Variants in PARP8 observed in about 807,000 individuals in gnomAD.
PARP8 encodes the protein poly(ADP-ribose) polymerase family member 8, also known as protein mono-ADP-ribosyltransferase PARP8.
PARP8 carries 51 observed loss-of-function variants against 124.1 expected under a neutral mutation model. That is an observed-to-expected ratio of 0.41 (90% CI 0.33 to 0.52). The LOEUF (loss-of-function observed/expected upper bound fraction) is 0.52. PARP8 is among the 20% of genes least tolerant of loss of function. The pLI is 0.21. For missense variants in PARP8, 860 were observed against 1,018.9 expected, an observed-to-expected ratio of 0.84 and a Z score of 2.12; for synonymous variants, 391 against 361.5, an observed-to-expected ratio of 1.08 and a Z score of -0.93.
intron 14 of PARP8, among the ~76,000 whole-genome samples, chr5:50,807,176 A>T (rs1743943290): frequency 6.6e-6 from 1 of 151,674 alleles, no homozygotes; most frequent in Non-Finnish European, 1.5e-5. Flanking sequence ...CACTGCTTTT[A>T]TACTATCTGT....
chr5:50,833,456 T>C (rs1313886678), intron 23 of PARP8: 2 of 450,018 alleles, frequency 4.4e-6, no homozygotes, highest in Non-Finnish European at 8.9e-6. Context: ...AAAAATCATC[T>C]GATAAGTAGT....
At chr5:50,714,524 T>C (rs1580068140) in intron 2 of PARP8, among the ~76,000 whole-genome samples, 1 of 152,160 alleles carries the variant, frequency 6.6e-6, no homozygotes, top group African/African-American at 2.4e-5. Flanking sequence ...TCATCTAGGT[T>C]TTAAGCCCCG....
intron 9 of PARP8, among the ~76,000 whole-genome samples, chr5:50,786,370 T>C (rs1453132586): frequency 6.6e-6 from 1 of 151,854 alleles, no homozygotes; most frequent in East Asian, 1.9e-4. Flanking sequence ...TCTTTTTTTT[T>C]TCTTTTTTTT....
rs749401959 is a variant in PARP8, at chr5:50,832,771, ATG to A, written c.2234-8_2234-7del. ...TTGTCCCTAAATTATTATTTTGCCG[ATG>A]TTTTCAGGGATGAACAAGAAACAGA... On this transcript the variant is annotated splice_region_variant and splice_polypyrimidine_tract_variant and intron_variant, in intron 22 of 25. Transcript: ENST00000281631. The A allele has an allele frequency of 6.4e-5, 103 of 1,613,046 alleles. No individual in the cohort carries two copies. Among genetic ancestry groups the A allele is most frequent in the South Asian group, 2.9e-4 (26 of 91,072 alleles).
chr5:50,830,559 T>C (rs769568484), intron 22 of PARP8, among the ~76,000 whole-genome samples: 24 of 152,218 alleles, frequency 1.6e-4, no homozygotes, highest in Non-Finnish European at 3.2e-4. Context: ...GGTGATGTTT[T>C]CTTCTTTGCA....
chr5:50,802,820 A>G (rs557468025), intron 14 of PARP8, among the ~76,000 whole-genome samples: 2 of 152,330 alleles, frequency 1.3e-5, no homozygotes, highest in Admixed American at 6.5e-5. Context: ...AAATGTATCA[A>G]TGTATTATAT....
At chr5:50,803,321 T>C (rs1005007620) in intron 14 of PARP8, among the ~76,000 whole-genome samples, 7 of 152,196 alleles carry the variant, frequency 4.6e-5, no homozygotes, top group Admixed American at 4.6e-4. Context: ...TTTAAATTTA[T>C]CCTATTTGGA....
chr5:50,758,852 T>TCA (rs1760240425), intron 3 of PARP8, among the ~76,000 whole-genome samples: 1 of 151,528 alleles, frequency 6.6e-6, no homozygotes, highest in Non-Finnish European at 1.5e-5. Context: ...AAAATGTTAT[T>TCA]TTTTAAAGAG....
intron 2 of PARP8, among the ~76,000 whole-genome samples, chr5:50,686,373 C>T (rs1751861070): frequency 6.6e-6 from 1 of 152,222 alleles, no homozygotes; most frequent in South Asian, 2.1e-4. Context: ...TCTTGGGCAG[C>T]TCCACCCCTG....
At chr5:50,731,384 G>C (rs1252025233) in intron 2 of PARP8, among the ~76,000 whole-genome samples, 1 of 152,162 alleles carries the variant, frequency 6.6e-6, no homozygotes, top group Non-Finnish European at 1.5e-5. Context: ...TGTTGGACTT[G>C]AGTCAAATGA....
chr5:50,676,383 A>G (rs1750641849), intron 2 of PARP8, among the ~76,000 whole-genome samples: 1 of 152,226 alleles, frequency 6.6e-6, no homozygotes, highest in Admixed American at 6.5e-5. Context: ...ACTTTTCTAC[A>G]TGAGGGTGTA....
intron 2 of PARP8, among the ~76,000 whole-genome samples, chr5:50,706,583 GTTAT>G (rs929296370): frequency 5.9e-5 from 9 of 151,952 alleles, no homozygotes; most frequent in African/African-American, 2.2e-4. Context: ...ATTTTGGGTA[GTTAT>G]TTATTTTATT....
Position 50,677,314 on chromosome 5 carries a change from CAA to C in PARP8, c.146+9206_146+9207del, listed in dbSNP as rs35154231. On this transcript the variant is annotated intron_variant, in intron 2 of 25. Transcript: ENST00000281631. ...AAATGCATCACAGCTAGATATGCAG[CAA>C]AAAAAAAAAAAAAAAAGTTAGTCCC... Among the ~76,000 whole-genome samples, 387 of 128,894 alleles carry C rather than the reference CAA, an allele frequency of 3.0e-3. 1 individual carries two copies. The highest frequency in any genetic ancestry group is 7.3e-3 in the South Asian group (30 of 4,120). The allele number at this position is 128,894 out of a possible 152,430, so 84.6% of individuals were successfully genotyped here. A position where few individuals can be genotyped will look rare whatever the true frequency, so the allele number is the denominator to read the frequency against.
chr5:50,688,531 A>T (rs1752123344), intron 2 of PARP8, among the ~76,000 whole-genome samples: 1 of 152,192 alleles, frequency 6.6e-6, no homozygotes, highest in South Asian at 2.1e-4. Context: ...AAATATTTTA[A>T]TTTTTTGGAC....
chr5:50,689,708 T>G (rs559132007), intron 2 of PARP8, among the ~76,000 whole-genome samples: 1 of 152,214 alleles, frequency 6.6e-6, no homozygotes, highest in Non-Finnish European at 1.5e-5. Flanking sequence ...TGTTGCAGTT[T>G]CCGAACACTT....
At chr5:50,791,384 T>C (rs969624968) in intron 10 of PARP8, among the ~76,000 whole-genome samples, 8 of 152,138 alleles carry the variant, frequency 5.3e-5, no homozygotes, top group African/African-American at 1.9e-4. Context: ...TTGTTCACAG[T>C]CACACAGCGA....
chr5:50,825,693 A>C (rs1375148352), intron 18 of PARP8, among the ~76,000 whole-genome samples: 1 of 152,210 alleles, frequency 6.6e-6, no homozygotes, highest in African/African-American at 2.4e-5. Flanking sequence ...TCTTTGAATT[A>C]ACTTTGAAAA....
intron 3 of PARP8, 31 bp downstream of exon 3, chr5:50,750,219 C>T (rs201907652): frequency 2.7e-4 from 412 of 1,525,540 alleles, no homozygotes; most frequent in Non-Finnish European, 4.8e-5. Context: ...TACAGATATT[C>T]GTATCAGGGT....
intron 3 of PARP8, among the ~76,000 whole-genome samples, chr5:50,756,258 C>A (rs1759940204): frequency 2.0e-5 from 3 of 151,740 alleles, no homozygotes; most frequent in Admixed American, 6.6e-5. Context: ...CTGTCTTGTG[C>A]CAGTTTTCAA....
Sources: allele counts gnomAD v4.1 joint callset (sites outside exome capture counted in the v4.1 genomes callset), GRCh38; gene constraint gnomAD v4.1.1; transcripts MANE v1.5; gene names NCBI Gene and HGNC (gene_info 2026-07-23, HGNC 2026-07-21).